The following BTBD8 variants were observed in gnomAD, a reference collection of about 807,000 sequenced individuals.
BTBD8 encodes BTB/POZ domain-containing protein 8.
BTBD8 carries 110 observed loss-of-function variants against 162.9 expected under a neutral mutation model. The ratio of observed to expected loss-of-function variants is 0.68; its 90% confidence interval spans 0.58 to 0.79. The LOEUF (loss-of-function observed/expected upper bound fraction) is 0.79, where lower values mean the gene tolerates loss of function less well. BTBD8 is among the 30% of genes least tolerant of loss of function. BTBD8 has a pLI of 0.00. For missense variants in BTBD8, 1,905 were observed against 2,085.4 expected (o/e 0.91, Z 1.68); for synonymous variants, 667 against 716.1 (o/e 0.93, Z 1.10).
chr1:92,104,908 A>C (rs113121154), intron 3 of BTBD8, among the ~76,000 whole-genome samples: 9 of 151,112 alleles, frequency 6.0e-5, no homozygotes, highest in African/African-American at 2.2e-4. Flanking sequence ...CACTGACTAA[A>C]CATACCTGTT....
At position 92,130,539 on chromosome 1, in the gene BTBD8, T is replaced by TACACAC. The variant is rs59796834; in HGVS notation, c.752+787_752+792dup. On this transcript the variant is annotated intron_variant, in intron 5 of 17. Transcript: ENST00000636805. ...AAAAAAATATATATATATATATATT[T>TACACAC]ACACACACACACACACACACACACA... Among the ~76,000 whole-genome samples the TACACAC allele has an allele frequency of 5.5e-3, 723 of 131,186 alleles. 4 individuals carry two copies. The highest frequency in any genetic ancestry group is 0.017 in the African/African-American group (635 of 36,800). The allele number at this position is 131,186 out of a possible 152,430, so 86.1% of individuals were successfully genotyped here. A position where few individuals can be genotyped will look rare whatever the true frequency, so the allele number is the denominator to read the frequency against.
intron 3 of BTBD8, among the ~76,000 whole-genome samples, chr1:92,107,368 T>A (rs888719873): frequency 1.3e-5 from 2 of 152,180 alleles, no homozygotes; most frequent in Middle Eastern, 3.2e-3. Context: ...ATGGACCACA[T>A]ATATGACAAA....
At chr1:92,109,259 T>C (rs935961870) in intron 4 of BTBD8, among the ~76,000 whole-genome samples, 3 of 152,030 alleles carry the variant, frequency 2.0e-5, no homozygotes, top group Non-Finnish European at 4.4e-5. Context: ...TTTCTTTTTT[T>C]TTTTTTTTAA....
chr1:92,120,059 C>T (rs1465809407), intron 4 of BTBD8, among the ~76,000 whole-genome samples: 1 of 151,794 alleles, frequency 6.6e-6, no homozygotes, highest in Admixed American at 6.6e-5. Flanking sequence ...CACCACCACG[C>T]CCGGCTAATT....
chr1:92,153,165 A>G (rs900091150), intron 9 of BTBD8, among the ~76,000 whole-genome samples: 4 of 152,134 alleles, frequency 2.6e-5, no homozygotes, highest in Admixed American at 1.3e-4. Flanking sequence ...ACATTTTTAC[A>G]CATTTGACAC....
At chr1:92,093,676 T>C (rs371144224) in intron 2 of BTBD8, among the ~76,000 whole-genome samples, 21 of 152,190 alleles carry the variant, frequency 1.4e-4, no homozygotes, top group African/African-American at 4.8e-4. Context: ...GTTGTGAGGG[T>C]TAAATGTGAT....
At chr1:92,152,402 T>C (rs1290407505) in intron 9 of BTBD8, among the ~76,000 whole-genome samples, 1 of 152,194 alleles carries the variant, frequency 6.6e-6, no homozygotes, top group African/African-American at 2.4e-5. Context: ...TAACTTAGAA[T>C]TCAGGTGTAT....
At chr1:92,099,043 C>A (rs1648521674) in intron 2 of BTBD8, among the ~76,000 whole-genome samples, 1 of 152,090 alleles carries the variant, frequency 6.6e-6, no homozygotes, top group Admixed American at 6.6e-5. Flanking sequence ...CCATTTAGGT[C>A]TTTGATCTAT....
chr1:92,114,409 T>C (rs1445582904), intron 4 of BTBD8, among the ~76,000 whole-genome samples: 3 of 152,070 alleles, frequency 2.0e-5, no homozygotes, highest in Non-Finnish European at 2.9e-5. Context: ...ATTACAAACA[T>C]ATTGTTTTTA....
At chr1:92,121,877 C>T (rs1649222139) in intron 4 of BTBD8, among the ~76,000 whole-genome samples, 1 of 150,980 alleles carries the variant, frequency 6.6e-6, no homozygotes, top group Non-Finnish European at 1.5e-5. Flanking sequence ...TGCTATGTTA[C>T]CCAGGCAGGT....
rs777447973 is a variant in BTBD8 at position 92,180,803 on chromosome 1, C to G, written c.3120C>G (p.His1040Gln). The part of the protein sequence containing the change: ...NISKLDKSLK[H>Q]ELESKQICLD... ...CAAAGCTGGATAAATCATTAAAACACGAACTGGAATCAAAACAGATTTGTT... is the reference window on the plus strand; with the variant it reads ...CAAAGCTGGATAAATCATTAAAACAGGAACTGGAATCAAAACAGATTTGTT... The change falls in exon 17 of 18, where the codon CAC becomes CAG. Residue 1040 changes from histidine (H) to glutamine (Q), a missense_variant. His to Gln is a conservative substitution (Grantham distance 24). Coordinates refer to ENST00000636805, the MANE Select transcript of BTBD8 (RefSeq NM_001376131.1). 46 of 1,551,418 alleles carry G rather than the reference C, an allele frequency of 3.0e-5. No homozygotes were observed. The African/African-American group carries it at 6.0e-4, about 20-fold the overall frequency.
At chr1:92,110,273 T>G (rs1214710577) in intron 4 of BTBD8, among the ~76,000 whole-genome samples, 1 of 152,218 alleles carries the variant, frequency 6.6e-6, no homozygotes, top group African/African-American at 2.4e-5. Context: ...GGGGACAATC[T>G]GCATGCGTTT....
Position 92,180,984 on chromosome 1 carries a change from T to A in BTBD8, c.3301T>A (p.Ser1101Thr). 1.3e-6 allele frequency: 2 copies of A among 1,551,776 alleles called. No homozygotes were observed. Among genetic ancestry groups the A allele is most frequent in the Non-Finnish European group, 8.7e-7 (1 of 1,147,028 alleles). ...KYMVSNPNEN[S>T]LNSNPVCDLD... The stretch of plus-strand genomic sequence containing the variant: ...CATGGTTTCAAATCCAAATGAAAAC[T>A]CCTTGAACTCTAATCCAGTTTGTGA... Residue 1101 changes from serine to threonine, a missense_variant, in exon 17 of 18, where the codon TCC (serine) becomes ACC (threonine). Ser to Thr is a moderately conservative substitution (Grantham distance 58, BLOSUM62 1). Around this residue, in one of 3 missense-constraint regions of BTBD8, gnomAD observed 1,374 missense variants for 1,442.7 expected, o/e 0.95. Coordinates refer to ENST00000636805, the MANE Select transcript of BTBD8 (RefSeq NM_001376131.1).
At chr1:92,130,539 T>TACACACGC (rs1649490228) in intron 5 of BTBD8, among the ~76,000 whole-genome samples, 1 of 131,124 alleles carries the variant, frequency 7.6e-6, no homozygotes, top group African/African-American at 2.7e-5. Flanking sequence ...TATATATATT[T>TACACACGC]ACACACACAC....
intron 8 of BTBD8, 41 bp from the exon 9 acceptor site, chr1:92,147,643 C>G (rs1158383274): frequency 6.7e-7 from 1 of 1,499,276 alleles, no homozygotes; most frequent in Admixed American, 1.9e-5. Flanking sequence ...TAATGAAAAA[C>G]ATCTTAATTT....
chr1:92,169,306 C>T (rs373099468), intron 12 of BTBD8, among the ~76,000 whole-genome samples: 3 of 152,130 alleles, frequency 2.0e-5, no homozygotes, highest in African/African-American at 7.2e-5. Flanking sequence ...GAAAATGTAA[C>T]CCACATAGAA....
rs1570725182 is a variant in BTBD8, at chr1:92,113,317, G to A, written c.662+5316G>A. Among the ~76,000 whole-genome samples the A allele has an allele frequency of 2.6e-5, 4 of 152,332 alleles. No homozygotes were observed. In the South Asian group the frequency reaches 8.3e-4, roughly 32 times the overall value. The stretch of plus-strand genomic sequence containing the variant: ...GAAATGGCTGACATGCTGTGTTCAA[G>A]TCTTCTGAGAAGTAGACACAAAGAT... On this transcript the variant is annotated intron_variant, in intron 4 of 17. Coordinates refer to ENST00000636805, the MANE Select transcript of BTBD8 (RefSeq NM_001376131.1).
chr1:92,130,525 T>C (rs990810012), intron 5 of BTBD8, among the ~76,000 whole-genome samples: 1 of 121,404 alleles, frequency 8.2e-6, no homozygotes, highest in Non-Finnish European at 1.7e-5. Context: ...AAAAAATATA[T>C]ATATATATAT....
Position 92,181,039 on chromosome 1 carries a change from A to T in BTBD8, c.3356A>T (p.His1119Leu), listed in dbSNP as rs1437914731. 1 of 1,551,866 alleles carries T rather than the reference A, an allele frequency of 6.4e-7. No individual in the cohort carries two copies. Among genetic ancestry groups the T allele is most frequent in the Non-Finnish European group, 8.7e-7 (1 of 1,147,022 alleles). ...DLDSTSAGQI[H>L]LISDRENQVG... ...GACTCAACAAGTGCAGGGCAAATCC[A>T]TTTGATATCAGATAGGGAGAACCAA... Residue 1119 changes from histidine (H) to leucine (L), a missense_variant, in exon 17 of 18, where the codon CAT (histidine) becomes CTT (leucine). By Grantham distance (99) the His-to-Leu change is moderately conservative (BLOSUM62 -3). This residue lies in a region of BTBD8 where 1,374 missense variants were observed against 1,442.7 expected (regional missense o/e 0.95). Transcript: ENST00000636805.
Sources: gnomAD v4.1 joint callset for allele counts (sites outside exome capture counted in the v4.1 genomes callset) on GRCh38, gnomAD v4.1.1 for gene constraint, gnomAD v4.1.1 regional missense constraint, MANE v1.5 for transcripts, NCBI Gene and HGNC (gene_info 2026-07-23, HGNC 2026-07-21) for gene names.